The following ADORA2B variants were observed in gnomAD, a reference collection of about 807,000 sequenced individuals.
The protein encoded by ADORA2B is adenosine receptor A2b.
ADORA2B carries 18 observed loss-of-function variants against 20.8 expected under a neutral mutation model. The observed-to-expected ratio is 0.87, with a 90% CI of 0.60 to 1.29. The LOEUF (loss-of-function observed/expected upper bound fraction) is 1.29. Ranked by LOEUF, ADORA2B falls within the 50% of genes most tolerant of loss-of-function variation. The probability of loss-of-function intolerance (pLI) is 0.00; values close to 1 mark genes in which losing one functional copy is unlikely to be tolerated. For synonymous variants in ADORA2B, 179 were observed against 178.3 expected, an observed-to-expected ratio of 1.00 and a Z score of -0.03; for missense variants, 441 against 422.7, an observed-to-expected ratio of 1.04 and a Z score of -0.38.
At position 15,945,186 on chromosome 17, in the gene ADORA2B, C is replaced by T; in HGVS notation, c.-63C>T. Reference sequence around the variant, plus strand: ...CTATGGCCATGCCCGGCGGGTCTCACGCGGCTGCCCCTCGCCCGGCGCGCC... The same window carrying T: ...CTATGGCCATGCCCGGCGGGTCTCATGCGGCTGCCCCTCGCCCGGCGCGCC... On this transcript the variant is annotated 5_prime_UTR_variant, in exon 1 of 2. The change creates a new upstream start codon in the 5' untranslated region. Transcript: ENST00000304222. 1 of 1,336,864 alleles carries T rather than the reference C, an allele frequency of 7.5e-7. No individual in the cohort carries two copies. The highest frequency in any genetic ancestry group is 9.6e-7 in the Non-Finnish European group (1 of 1,042,944). 82.8% of individuals were successfully genotyped at this position (1,336,864 alleles called of 1,614,324 possible). A position where few individuals can be genotyped will look rare whatever the true frequency, so the allele number is the denominator to read the frequency against.
intron 1 of ADORA2B, among the ~76,000 whole-genome samples, chr17:15,961,011 C>T (rs1401568994): frequency 6.9e-6 from 1 of 144,558 alleles, no homozygotes; most frequent in East Asian, 2.1e-4. Flanking sequence ...ACTAAAAATA[C>T]AAAAAATTAG....
At chr17:15,912,266 G>A in the ADORA2B span, among the ~76,000 whole-genome samples, 6 of 150,352 alleles carry the variant, frequency 4.0e-5, no homozygotes, top group East Asian at 1.2e-3. Context: ...TGTAGTCCTA[G>A]CTACTTGGGA....
chr17:15,957,997 A>G (rs1397965152), intron 1 of ADORA2B, among the ~76,000 whole-genome samples: 1 of 150,522 alleles, frequency 6.6e-6, no homozygotes, highest in Admixed American at 6.6e-5. Context: ...TTGTAGAACC[A>G]GGACCTGTCA....
At chr17:15,869,765 A>G in the ADORA2B span, among the ~76,000 whole-genome samples, 1 of 152,340 alleles carries the variant, frequency 6.6e-6, no homozygotes, top group African/African-American at 2.4e-5. Flanking sequence ...TTGAATTAAA[A>G]TACACACATA....
intron 1 of ADORA2B, among the ~76,000 whole-genome samples, chr17:15,950,771 G>A (rs1426813226): frequency 2.0e-5 from 3 of 152,124 alleles, no homozygotes; most frequent in Admixed American, 6.5e-5. Context: ...GTGCATGGTC[G>A]GCCTTCACCC....
chr17:15,923,206 A>ATTCTT, the ADORA2B span, among the ~76,000 whole-genome samples: 2 of 113,510 alleles, frequency 1.8e-5, no homozygotes, highest in African/African-American at 7.2e-5. Context: ...TCTTTTTTTA[A>ATTCTT]TTTTTTTTTT....
chr17:15,908,181 G>A, the ADORA2B span, among the ~76,000 whole-genome samples: 1 of 151,858 alleles, frequency 6.6e-6, no homozygotes, highest in African/African-American at 2.4e-5. Flanking sequence ...TCAACCTCCC[G>A]GGCTCAACCA....
At chr17:15,921,048 C>A in the ADORA2B span, among the ~76,000 whole-genome samples, 1 of 152,268 alleles carries the variant, frequency 6.6e-6, no homozygotes, top group Non-Finnish European at 1.5e-5. Flanking sequence ...GGCTTCCGGC[C>A]TTCCGATCAT....
chr17:15,905,659 G>C, the ADORA2B span, among the ~76,000 whole-genome samples: 1 of 149,734 alleles, frequency 6.7e-6, no homozygotes, highest in Non-Finnish European at 1.5e-5. Context: ...ACTGCACCCA[G>C]CTGGTTTCTT....
intron 1 of ADORA2B, among the ~76,000 whole-genome samples, chr17:15,972,411 C>T (rs1273046461): frequency 6.6e-6 from 1 of 152,212 alleles, no homozygotes; most frequent in Non-Finnish European, 1.5e-5. Flanking sequence ...TTACTTAATA[C>T]ATTACATTGA....
chr17:15,956,991 T>G (rs1317855775), intron 1 of ADORA2B, among the ~76,000 whole-genome samples: 1 of 152,122 alleles, frequency 6.6e-6, no homozygotes, highest in Non-Finnish European at 1.5e-5. Flanking sequence ...AATCTGGAGT[T>G]TGATATGGTC....
At chr17:15,905,856 A>G in the ADORA2B span, among the ~76,000 whole-genome samples, 1,585 of 151,932 alleles carry the variant, frequency 0.01, 26 homozygotes, top group African/African-American at 0.036. Context: ...AGGTTTCACT[A>G]TGTTGGCCAG....
the ADORA2B span, among the ~76,000 whole-genome samples, chr17:15,862,643 A>G: frequency 6.6e-6 from 1 of 152,016 alleles, no homozygotes; most frequent in Non-Finnish European, 1.5e-5. Context: ...AGTGGACAGT[A>G]AATGTTCAGC....
chr17:15,932,230 C>A, the ADORA2B span, among the ~76,000 whole-genome samples: 4 of 152,116 alleles, frequency 2.6e-5, no homozygotes, highest in East Asian at 7.8e-4. Flanking sequence ...CATGGTGGCT[C>A]ATGCCTGTAA....
chr17:15,892,148 A>G, the ADORA2B span, among the ~76,000 whole-genome samples: 1 of 150,458 alleles, frequency 6.6e-6, no homozygotes, highest in East Asian at 2.0e-4. Flanking sequence ...GGCGTGAGCC[A>G]CTGCGCCTGG....
At chr17:15,937,753 A>G in the ADORA2B span, among the ~76,000 whole-genome samples, 2 of 151,744 alleles carry the variant, frequency 1.3e-5, no homozygotes, top group Admixed American at 6.6e-5. Context: ...TTGTATTTTT[A>G]GTAGAGACAG....
At chr17:15,882,387 AG>A in the ADORA2B span, among the ~76,000 whole-genome samples, 1 of 152,202 alleles carries the variant, frequency 6.6e-6, no homozygotes. Context: ...GGGACTCACA[AG>A]GTGGGCTTTT....
chr17:15,930,075 G>A, the ADORA2B span, among the ~76,000 whole-genome samples: 10 of 152,228 alleles, frequency 6.6e-5, no homozygotes, highest in African/African-American at 2.2e-4. Context: ...GTTGACAGAC[G>A]GCTGCAGCAT....
the ADORA2B span, among the ~76,000 whole-genome samples, chr17:15,929,230 T>C: frequency 9.2e-5 from 14 of 151,890 alleles, no homozygotes; most frequent in African/African-American, 3.1e-4. Flanking sequence ...CACTAAGAGG[T>C]AGACATTTAG....
Sources: gnomAD v4.1 joint callset for allele counts (sites outside exome capture counted in the v4.1 genomes callset) on GRCh38, gnomAD v4.1.1 for gene constraint, MANE v1.5 for transcripts, NCBI Gene and HGNC (gene_info 2026-07-23, HGNC 2026-07-21) for gene names.